The following PTPN22 variants were observed in gnomAD, a reference collection of about 807,000 sequenced individuals.
The protein encoded by PTPN22 is protein tyrosine phosphatase non-receptor type 22, also known as tyrosine-protein phosphatase non-receptor type 22.
Under a neutral mutation model 103.3 loss-of-function variants are expected in PTPN22, and 85 were observed. The ratio of observed to expected loss-of-function variants is 0.82; its 90% CI spans 0.69 to 0.99. The LOEUF (loss-of-function observed/expected upper bound fraction) is 0.99, where lower values mean the gene tolerates loss of function less well. Ranked by LOEUF, PTPN22 falls within the 50% of genes least tolerant of loss-of-function variation. The probability of loss-of-function intolerance (pLI) is 0.00; values close to 1 mark genes in which losing one functional copy is unlikely to be tolerated. For synonymous variants in PTPN22, 323 were observed against 310.2 expected, an observed-to-expected ratio of 1.04 and a Z score of -0.43; for missense variants, 865 against 936.9, an observed-to-expected ratio of 0.92 and a Z score of 1.00.
intron 9 of PTPN22, among the ~76,000 whole-genome samples, chr1:113,853,007 C>T (rs4839346): frequency 0.16 from 23,701 of 152,132 alleles, 2,108 homozygotes; most frequent in East Asian, 0.23. Context: ...AGCGCGATCT[C>T]GGCTCACTGC....
In PTPN22 at chr1:113,848,645, C is replaced by G; in HGVS notation, c.829-19G>C. 1 of 1,594,968 alleles carries G rather than the reference C, an allele frequency of 6.3e-7. No individual in the cohort carries two copies. The highest frequency in any genetic ancestry group is 8.5e-7 in the Non-Finnish European group (1 of 1,174,442). On this transcript the variant is annotated intron_variant, in intron 10 of 20. Coordinates refer to ENST00000359785, the Ensembl canonical transcript of PTPN22. ...ATTGTTCCTGAAGAGCATCACAACCCAGAACAAATGAAAACAAAAACAAAA... is the reference window on the plus strand; with the variant it reads ...ATTGTTCCTGAAGAGCATCACAACCGAGAACAAATGAAAACAAAAACAAAA...
chr1:113,843,161 T>C (rs1476912412), intron 11 of PTPN22, among the ~76,000 whole-genome samples: 2 of 149,744 alleles, frequency 1.3e-5, no homozygotes, highest in Non-Finnish European at 3.0e-5. Context: ...TTCTGGGTTA[T>C]ACCCAAAGTA....
intron 20 of PTPN22, among the ~76,000 whole-genome samples, chr1:113,816,886 G>C (rs1043847802): frequency 5.9e-5 from 9 of 152,148 alleles, no homozygotes; most frequent in Non-Finnish European, 1.0e-4. Flanking sequence ...TCCAGCCTGG[G>C]TGACAGAGCA....
At chr1:113,837,901 G>A (rs770879173) in exon 13 of PTPN22, 15 of 1,613,972 alleles carry the variant, frequency 9.3e-6, no homozygotes, top group African/African-American at 2.7e-5. Context: ...ATATGGCAGT[G>A]AATAATTCAG....
intron 10 of PTPN22, among the ~76,000 whole-genome samples, chr1:113,851,721 TCCA>T (rs2102063534): frequency 6.6e-6 from 1 of 152,340 alleles, no homozygotes; most frequent in South Asian, 2.1e-4. Flanking sequence ...CTATTTCAAG[TCCA>T]CAAGTCAGTT....
At chr1:113,824,351 C>T (rs1401729572) in intron 19 of PTPN22, among the ~76,000 whole-genome samples, 4 of 152,138 alleles carry the variant, frequency 2.6e-5, no homozygotes, top group Non-Finnish European at 4.4e-5. Context: ...CCACCTGCCT[C>T]GGCCTCCCAA....
intron 1 of PTPN22, among the ~76,000 whole-genome samples, chr1:113,864,713 C>T (rs1166805626): frequency 1.2e-4 from 18 of 150,434 alleles, no homozygotes; most frequent in Admixed American, 1.2e-3. Flanking sequence ...GATCGAGAGA[C>T]CATCCTGGCT....
chr1:113,846,844 A>G (rs1265639620), intron 11 of PTPN22, among the ~76,000 whole-genome samples: 2 of 152,108 alleles, frequency 1.3e-5, no homozygotes, highest in South Asian at 2.1e-4. Context: ...TTTTCCTCCT[A>G]CAGTTAAGGT....
chr1:113,815,113 G>T, intron 20 of PTPN22, 144 bp from the exon 21 acceptor site: 1 of 605,584 alleles, frequency 1.7e-6, no homozygotes, highest in Non-Finnish European at 2.9e-6. Flanking sequence ...TTTAGTAATA[G>T]ATTATAAAGG....
chr1:113,870,053 T>C (rs1322325499), intron 1 of PTPN22, among the ~76,000 whole-genome samples: 3 of 152,178 alleles, frequency 2.0e-5, no homozygotes, highest in African/African-American at 7.2e-5. Flanking sequence ...GAGTGTTAGC[T>C]CCAGGAGGCA....
intron 18 of PTPN22, among the ~76,000 whole-genome samples, chr1:113,827,834 G>A (rs1461646814): frequency 3.3e-5 from 5 of 152,014 alleles, no homozygotes; most frequent in Admixed American, 1.3e-4. Flanking sequence ...AAAAAAAATT[G>A]TAAAAAGAAG....
intron 16 of PTPN22, among the ~76,000 whole-genome samples, chr1:113,832,590 C>A (rs974128093): frequency 2.6e-5 from 4 of 152,130 alleles, no homozygotes; most frequent in Admixed American, 6.5e-5. Flanking sequence ...TGTTTTTTAA[C>A]CTTTATATTA....
chr1:113,834,232 A>T, intron 15 of PTPN22, 77 bp downstream of exon 15: 1 of 1,376,214 alleles, frequency 7.3e-7, no homozygotes, highest in Non-Finnish European at 1.0e-6. Flanking sequence ...TTATTGAATG[A>T]TGGGTGTTAA....
intron 2 of PTPN22, 34 bp from the exon 3 acceptor site, chr1:113,859,112 G>A: frequency 6.2e-7 from 1 of 1,609,240 alleles, no homozygotes. Context: ...GTACAATTAA[G>A]AGGGCTTAGT....
intron 11 of PTPN22, among the ~76,000 whole-genome samples, chr1:113,846,874 T>C (rs959778520): frequency 2.0e-5 from 3 of 152,174 alleles, no homozygotes; most frequent in Admixed American, 6.6e-5. Flanking sequence ...TTCTGGCTGA[T>C]TTCTAAAACT....
intron 13 of PTPN22, among the ~76,000 whole-genome samples, chr1:113,836,272 A>G (rs1439804691): frequency 1.3e-5 from 2 of 152,222 alleles, no homozygotes; most frequent in Admixed American, 6.5e-5. Context: ...CATCTTCCAC[A>G]TCAAATTATT....
intron 1 of PTPN22, among the ~76,000 whole-genome samples, chr1:113,868,907 A>G (rs993140096): frequency 1.3e-5 from 2 of 152,188 alleles, no homozygotes; most frequent in African/African-American, 4.8e-5. Flanking sequence ...AAAAACTATA[A>G]CAAGTTTTTA....
exon 13 of PTPN22, chr1:113,838,017 C>G (rs146517005): frequency 2.8e-5 from 45 of 1,613,884 alleles, no homozygotes; most frequent in Non-Finnish European, 3.6e-5. Context: ...TGTCCACCTC[C>G]TTGGTTTCTC....
intron 13 of PTPN22, among the ~76,000 whole-genome samples, chr1:113,836,371 A>G (rs1302170675): frequency 6.6e-6 from 1 of 152,266 alleles, no homozygotes; most frequent in Non-Finnish European, 1.5e-5. Flanking sequence ...ATACAGAATT[A>G]TAAAAGAGAC....
Sources: allele counts gnomAD v4.1 joint callset (sites outside exome capture counted in the v4.1 genomes callset), GRCh38; gene constraint gnomAD v4.1.1; transcripts MANE v1.5; gene names NCBI Gene and HGNC (gene_info 2026-07-23, HGNC 2026-07-21).